SPATA13: variants seen among roughly 807,000 people sequenced by gnomAD.
SPATA13 encodes the protein spermatogenesis associated 13, also known as spermatogenesis-associated protein 13.
A neutral mutation model predicts 104.0 loss-of-function variants in SPATA13; 50 were observed. The observed-to-expected ratio is 0.48, with a 90% CI of 0.38 to 0.61. SPATA13 has a LOEUF of 0.61. Ranked by LOEUF, SPATA13 falls within the 20% of genes least tolerant of loss-of-function variation. The pLI is 0.00. For missense variants in SPATA13, 1,524 were observed against 1,690.6 expected (o/e 0.90, Z 1.73); for synonymous variants, 606 against 667.5 (o/e 0.91, Z 1.42).
intron 1 of SPATA13, among the ~76,000 whole-genome samples, chr13:24,195,281 G>A (rs1436581616): frequency 1.3e-5 from 2 of 152,186 alleles, no homozygotes; most frequent in Middle Eastern, 3.2e-3. Flanking sequence ...CATAGCATGT[G>A]TCAGTACTTC....
chr13:24,219,992 A>G lies in SPATA13; in HGVS notation c.-111-2827A>G, dbSNP rs763425870. Among the ~76,000 whole-genome samples, 6 of 152,066 alleles carry G rather than the reference A, an allele frequency of 3.9e-5. No individual in the cohort carries two copies. The East Asian group carries it at 9.6e-4, about 24-fold the overall frequency. The stretch of plus-strand genomic sequence containing the variant: ...GGTCAGTCAGACACCTGGTCCCCCA[A>G]ATGTACTGCCTCCCAGTTGTACTGT... On this transcript the variant is annotated intron_variant, in intron 1 of 12. Transcript: ENST00000382108.
At chr13:24,007,869 A>T (rs1435698354) in intron 2 of SPATA13, among the ~76,000 whole-genome samples, 1 of 152,254 alleles carries the variant, frequency 6.6e-6, no homozygotes, top group Admixed American at 6.5e-5. Flanking sequence ...GCATGGTGAG[A>T]CTTAATAAAC....
upstream of SPATA13, among the ~76,000 whole-genome samples, chr13:24,160,510 C>T (rs967409809): frequency 6.6e-6 from 1 of 152,144 alleles, no homozygotes; most frequent in African/African-American, 2.4e-5. Context: ...TCCAAAAGTG[C>T]TAGGATTACA....
intron 3 of SPATA13, among the ~76,000 whole-genome samples, chr13:24,100,572 G>T (rs1880228209): frequency 6.6e-6 from 1 of 152,118 alleles, no homozygotes; most frequent in Non-Finnish European, 1.5e-5. Context: ...TGATTGATTT[G>T]ATTTGAGTCT....
At chr13:24,138,470 A>G (rs1373223983) in intron 3 of SPATA13, among the ~76,000 whole-genome samples, 2 of 152,218 alleles carry the variant, frequency 1.3e-5, no homozygotes, top group African/African-American at 4.8e-5. Context: ...TGCTACTTTA[A>G]TAAAGGAACT....
At chr13:24,261,696 T>C (rs1358115179) in intron 4 of SPATA13, among the ~76,000 whole-genome samples, 1 of 152,046 alleles carries the variant, frequency 6.6e-6, no homozygotes, top group Non-Finnish European at 1.5e-5. Flanking sequence ...GTGAGAGTGG[T>C]TCACACTGTC....
chr13:24,174,638 G>T (rs145243551), intron 1 of SPATA13, among the ~76,000 whole-genome samples: 1 of 151,932 alleles, frequency 6.6e-6, no homozygotes, highest in Non-Finnish European at 1.5e-5. Flanking sequence ...GTATAGTGGC[G>T]CAATCTTGGC....
At chr13:24,287,102 G>A in intron 7 of SPATA13, 152 bp downstream of exon 7, 1 of 657,442 alleles carries the variant, frequency 1.5e-6, no homozygotes, top group Non-Finnish European at 2.5e-6. Flanking sequence ...TGCTAAGTCT[G>A]AGTGCTGCGG....
intron 3 of SPATA13, among the ~76,000 whole-genome samples, chr13:24,102,528 G>A (rs989298243): frequency 1.4e-5 from 2 of 145,380 alleles, no homozygotes; most frequent in African/African-American, 5.2e-5. Context: ...AAGCTGGAGT[G>A]CAGTGGCGCA....
upstream of SPATA13, among the ~76,000 whole-genome samples, chr13:24,157,390 C>G (rs1433638931): frequency 1.3e-5 from 2 of 152,198 alleles, no homozygotes; most frequent in Non-Finnish European, 2.9e-5. Flanking sequence ...GCTCCGCCTC[C>G]CGGGTTCACG....
At chr13:24,274,430 G>A (rs1874832068) in intron 4 of SPATA13, among the ~76,000 whole-genome samples, 1 of 152,224 alleles carries the variant, frequency 6.6e-6, no homozygotes, top group East Asian at 1.9e-4. Context: ...TTTTCCATGT[G>A]ATTAGATGCC....
chr13:24,040,259 A>G (rs746798), intron 3 of SPATA13, among the ~76,000 whole-genome samples: 48,734 of 152,052 alleles, frequency 0.32, 8,366 homozygotes, highest in South Asian at 0.53. Context: ...AGTGCTCTCT[A>G]TGCATCCAGC....
At chr13:24,191,989 C>T (rs1869787078) in intron 1 of SPATA13, among the ~76,000 whole-genome samples, 1 of 152,080 alleles carries the variant, frequency 6.6e-6, no homozygotes, top group East Asian at 1.9e-4. Context: ...GAAAAGGGAA[C>T]AAAAAAGAAA....
At chr13:24,097,357 A>G (rs904448372) in intron 3 of SPATA13, among the ~76,000 whole-genome samples, 16 of 152,146 alleles carry the variant, frequency 1.1e-4, no homozygotes, top group Admixed American at 4.6e-4. Context: ...TGACTCAGGA[A>G]ATTCGCAGCC....
intron 4 of SPATA13, among the ~76,000 whole-genome samples, chr13:24,254,715 G>T (rs1200954854): frequency 2.6e-5 from 4 of 152,218 alleles, no homozygotes; most frequent in Non-Finnish European, 5.9e-5. Context: ...TTCCTGCGGG[G>T]AACCGTATCA....
At position 24,204,545 on chromosome 13, in the gene SPATA13, G is replaced by A. The variant is rs1376822147; in HGVS notation, c.-111-18274G>A. Among the ~76,000 whole-genome samples, 7 of 152,010 alleles carry A rather than the reference G, an allele frequency of 4.6e-5. No homozygotes were observed. The East Asian group carries it at 7.7e-4, about 17-fold the overall frequency. ...TGCAACTATTACTACCATTCATCTC[G>A]AGAACTGTTCCATCTCCCAAACTGA... On this transcript the variant is annotated intron_variant, in intron 1 of 12. Transcript: ENST00000382108.
rs117859598 is a variant in SPATA13, at chr13:24,197,955, A to G, written c.-111-24864A>G. Among the ~76,000 whole-genome samples, 1,253 of 150,972 alleles carry G rather than the reference A, an allele frequency of 8.3e-3. 8 individuals are homozygous for G. Among genetic ancestry groups the G allele is most frequent in the Admixed American group, 0.014 (215 of 15,150 alleles). On this transcript the variant is annotated intron_variant, in intron 1 of 12. Coordinates refer to ENST00000382108, the MANE Select transcript of SPATA13 (RefSeq NM_001166271.3). The stretch of plus-strand genomic sequence containing the variant: ...CAAAAACAGAACTGTTGTTCTTCCA[A>G]CTCCTCACTTTCCCATGTTTCCTCC...
intron 3 of SPATA13, chr13:24,123,530 A>C: frequency 6.2e-7 from 1 of 1,611,608 alleles, no homozygotes; most frequent in Non-Finnish European, 8.5e-7. Context: ...GAGGGTCAGC[A>C]TTTGGTTCTG....
In SPATA13 at chr13:24,224,351, T is replaced by TCAGAGCCCC. The variant is rs760508920; in HGVS notation, c.1432_1440dup (p.Gln478_Pro480dup). ...CCACCACACCCAAGCCCCAGAGCCC[T>TCAGAGCCCC]CAGAGCCCCCAGAGCCCCGGGGCAG... On this transcript the variant is annotated inframe_insertion, in exon 2 of 13. Coordinates refer to ENST00000382108, the MANE Select transcript of SPATA13 (RefSeq NM_001166271.3). 1 of 1,551,466 alleles carries TCAGAGCCCC rather than the reference T, an allele frequency of 6.4e-7. No homozygotes were observed. Among genetic ancestry groups the TCAGAGCCCC allele is most frequent in the African/African-American group, 1.4e-5 (1 of 73,060 alleles).
Sources: allele counts gnomAD v4.1 joint callset (sites outside exome capture counted in the v4.1 genomes callset), GRCh38; gene constraint gnomAD v4.1.1; transcripts MANE v1.5; gene names NCBI Gene and HGNC (gene_info 2026-07-23, HGNC 2026-07-21).